The following DLG5 variants were observed in gnomAD, a reference collection of about 807,000 sequenced individuals.
DLG5 encodes disks large homolog 5.
A neutral mutation model predicts 189.8 loss-of-function variants in DLG5; 48 were observed. The ratio of observed to expected loss-of-function variants is 0.25; its 90% CI spans 0.20 to 0.32. The LOEUF (loss-of-function observed/expected upper bound fraction) is 0.32. Among genes scored for constraint, DLG5 ranks in the 10% least tolerant of loss-of-function variants. The probability of loss-of-function intolerance (pLI) is 1.00; values close to 1 mark genes in which losing one functional copy is unlikely to be tolerated. For synonymous variants in DLG5, 1,016 were observed against 1,054.1 expected, an observed-to-expected ratio of 0.96 and a Z score of 0.70; for missense variants, 2,160 against 2,544.7, an observed-to-expected ratio of 0.85 and a Z score of 3.25.
At chr10:77,816,417 A>G (rs71475685) in intron 20 of DLG5, 134 bp downstream of exon 20, 21,835 of 1,380,208 alleles carry the variant, frequency 0.016, 196 homozygotes, top group Non-Finnish European at 0.019. Context: ...TACTGGTGAC[A>G]CCAGCAAATG....
intron 27 of DLG5, 76 bp downstream of exon 27, chr10:77,805,589 T>C (rs1041160753): frequency 1.4e-6 from 2 of 1,464,762 alleles, no homozygotes; most frequent in Admixed American, 2.1e-5. Context: ...TTTGTTTAAG[T>C]CCCTGTTGTG....
At chr10:77,849,135 G>A (rs961099126) in intron 5 of DLG5, among the ~76,000 whole-genome samples, 13 of 152,122 alleles carry the variant, frequency 8.5e-5, no homozygotes, top group Non-Finnish European at 1.5e-4. Context: ...CAACCATGGC[G>A]CCCCCTCCCC....
At chr10:77,871,518 A>G (rs1001097860) in intron 1 of DLG5, among the ~76,000 whole-genome samples, 2 of 151,656 alleles carry the variant, frequency 1.3e-5, no homozygotes, top group Admixed American at 6.6e-5. Context: ...TGTCTCAACA[A>G]AAACAATAAG....
At chr10:77,888,188 G>A (rs1283776154) in intron 1 of DLG5, among the ~76,000 whole-genome samples, 1 of 152,182 alleles carries the variant, frequency 6.6e-6, no homozygotes, top group Admixed American at 6.5e-5. Flanking sequence ...GAGGGCTGTT[G>A]GGGAGCACCA....
At chr10:77,862,298 C>A (rs1844502289) in intron 2 of DLG5, among the ~76,000 whole-genome samples, 1 of 152,102 alleles carries the variant, frequency 6.6e-6, no homozygotes, top group Non-Finnish European at 1.5e-5. Flanking sequence ...TGGACATTCC[C>A]TCCACTGACC....
chr10:77,831,685 G>A (rs890575437), intron 9 of DLG5, among the ~76,000 whole-genome samples: 7 of 152,166 alleles, frequency 4.6e-5, no homozygotes, highest in Admixed American at 1.3e-4. Context: ...AGTTAACAGA[G>A]GAAGGACAGC....
At chr10:77,868,093 C>T (rs1046697877) in intron 2 of DLG5, 8 of 456,346 alleles carry the variant, frequency 1.8e-5, no homozygotes, top group Non-Finnish European at 2.6e-5. Context: ...CCTGCGTGGC[C>T]TCACTGACAC....
intron 1 of DLG5, among the ~76,000 whole-genome samples, chr10:77,888,334 C>A (rs1845503534): frequency 6.6e-6 from 1 of 152,190 alleles, no homozygotes; most frequent in Non-Finnish European, 1.5e-5. Flanking sequence ...CTGCTCCCCA[C>A]CTCTCCTGCA....
At chr10:77,833,143 G>A (rs1842956988) in intron 9 of DLG5, among the ~76,000 whole-genome samples, 1 of 152,080 alleles carries the variant, frequency 6.6e-6, no homozygotes. Context: ...TTAGACCACG[G>A]CCTATTGGGC....
rs201301827 is a variant in DLG5 at position 77,822,024 on chromosome 10, A to G, written c.2460T>C (p.Phe820=). 1.9e-6 allele frequency: 3 copies of G among 1,614,262 alleles called. No individual in the cohort carries two copies. In the African/African-American group the frequency reaches 4.0e-5, roughly 22 times the overall value. Residue 820 remains phenylalanine (F), a synonymous_variant, in exon 15 of 32, where the codon TTT becomes TTC. Coordinates refer to ENST00000372391, the MANE Select transcript of DLG5 (RefSeq NM_004747.4). The stretch of plus-strand genomic sequence containing the variant: ...CCTGGACCTCCGGGCCATGGGCTCG[A>G]AAACTCAGCATCTTATCAGAGTCTT... ...NIKDSDKMLS[F]RAHGPEVQAH...
At chr10:77,840,847 G>A (rs1843382882) in intron 7 of DLG5, among the ~76,000 whole-genome samples, 3 of 152,244 alleles carry the variant, frequency 2.0e-5, no homozygotes, top group Admixed American at 6.5e-5. Flanking sequence ...CAGGCCTGAC[G>A]AGGAGTTGCT....
intron 1 of DLG5, among the ~76,000 whole-genome samples, chr10:77,902,455 T>C (rs1272018): frequency 0.3 from 46,314 of 152,060 alleles, 7,693 homozygotes; most frequent in Admixed American, 0.44. Context: ...TAGCATGAGG[T>C]GATGCACCGC....
chr10:77,924,053 C>T (rs1040294751), intron 1 of DLG5, among the ~76,000 whole-genome samples: 1 of 152,002 alleles, frequency 6.6e-6, no homozygotes, highest in African/African-American at 2.4e-5. Flanking sequence ...TTATTAGAGA[C>T]GGGGTTTCAC....
intron 5 of DLG5, among the ~76,000 whole-genome samples, chr10:77,851,541 C>CT (rs1843976377): frequency 1.3e-5 from 2 of 152,342 alleles, no homozygotes; most frequent in South Asian, 4.1e-4. Flanking sequence ...TACCAAGGCT[C>CT]AGTCAAGACC....
intron 1 of DLG5, among the ~76,000 whole-genome samples, chr10:77,882,390 G>A (rs1185138606): frequency 6.6e-6 from 1 of 152,178 alleles, no homozygotes; most frequent in Non-Finnish European, 1.5e-5. Flanking sequence ...ACTGGATGCT[G>A]AAAGTGCTTC....
intron 1 of DLG5, among the ~76,000 whole-genome samples, chr10:77,920,098 T>C (rs1204616454): frequency 6.6e-6 from 1 of 152,200 alleles, no homozygotes; most frequent in Non-Finnish European, 1.5e-5. Context: ...TGGCATAGTA[T>C]ACAAGGAGCT....
At position 77,843,386 on chromosome 10, in the gene DLG5, G is replaced by A. The variant is rs533165311; in HGVS notation, c.1124+61C>T. The A allele has an allele frequency of 1.0e-5, 16 of 1,570,158 alleles. No homozygotes were observed. The South Asian group carries it at 1.4e-4, about 13-fold the overall frequency. Reference sequence around the variant, plus strand: ...TAACTCATGCTGTTCTCATCCCCTGGTGGTGGCTGGGAACCTTATAGGACC... The same window carrying A: ...TAACTCATGCTGTTCTCATCCCCTGATGGTGGCTGGGAACCTTATAGGACC... On this transcript the variant is annotated intron_variant, in intron 6 of 31. Coordinates refer to ENST00000372391, the MANE Select transcript of DLG5 (RefSeq NM_004747.4).
At position 77,841,954 on chromosome 10, in the gene DLG5, A is replaced by G. The variant is rs776722727; in HGVS notation, c.1364T>C (p.Leu455Pro). The G allele has an allele frequency of 1.2e-6, 2 of 1,614,140 alleles. No homozygotes were observed. Among genetic ancestry groups the G allele is most frequent in the Non-Finnish European group, 1.7e-6 (2 of 1,180,018 alleles). The change falls in exon 7 of 32, where the codon CTG becomes CCG. Residue 455 changes from leucine to proline, a missense_variant. Physicochemically the swap from Leu to Pro is moderately conservative, Grantham distance 98. This residue lies in a region of DLG5 where 664 missense variants were observed against 838.5 expected (regional missense o/e 0.79). Transcript: ENST00000372391. The part of the protein sequence containing the change: ...ELDKLQTEVE[L>P]AESKLKSSTS... ...GCTGCTCTTGAGCTTGGACTCGGCC[A>G]GCTCCACTTCGGTCTGCAGCTTGTC...
chr10:77,845,233 G>A (rs1272581478), intron 5 of DLG5: 1 of 152,248 alleles, frequency 6.6e-6, no homozygotes, highest in Non-Finnish European at 1.5e-5. Flanking sequence ...GAGCCCTGGG[G>A]TGAGTCACTC....
Sources: allele counts gnomAD v4.1 joint callset (sites outside exome capture counted in the v4.1 genomes callset), GRCh38; gene constraint gnomAD v4.1.1; regional missense constraint gnomAD v4.1.1; transcripts MANE v1.5; gene names NCBI Gene and HGNC (gene_info 2026-07-23, HGNC 2026-07-21).